The following CPQ variants were observed in gnomAD, a reference collection of about 807,000 sequenced individuals.
CPQ encodes carboxypeptidase Q, also known as Ser-Met dipeptidase.
In CPQ, 37 loss-of-function variants were observed where a neutral mutation model predicts 45.7. That is an observed-to-expected ratio of 0.81 (90% CI 0.62 to 1.07). CPQ has a LOEUF of 1.07. CPQ is among the 50% of genes least tolerant of loss of function. The pLI, the probability that CPQ is intolerant of heterozygous loss-of-function variation, is 0.00. For missense variants in CPQ, 537 were observed against 572.9 expected, an observed-to-expected ratio of 0.94 and a Z score of 0.64; for synonymous variants, 186 against 205.8, an observed-to-expected ratio of 0.90 and a Z score of 0.82.
intron 1 of CPQ, among the ~76,000 whole-genome samples, chr8:96,673,130 A>C (rs972217883): frequency 2.6e-5 from 4 of 152,178 alleles, no homozygotes; most frequent in Non-Finnish European, 5.9e-5. Context: ...ACTAGGAGTC[A>C]TCCAGGTTCT....
chr8:97,017,726 C>T (rs1809606668), intron 5 of CPQ, among the ~76,000 whole-genome samples: 1 of 152,126 alleles, frequency 6.6e-6, no homozygotes, highest in Non-Finnish European at 1.5e-5. Flanking sequence ...GAAACTTCAA[C>T]CCCATCCTCC....
intron 1 of CPQ, among the ~76,000 whole-genome samples, chr8:96,655,953 C>A (rs893119011): frequency 1.3e-5 from 2 of 152,190 alleles, no homozygotes; most frequent in Non-Finnish European, 2.9e-5. Flanking sequence ...CTCCTGGGCT[C>A]ATAAGATTCT....
intron 7 of CPQ, among the ~76,000 whole-genome samples, chr8:97,117,119 T>A (rs1811608280): frequency 6.6e-6 from 1 of 152,224 alleles, no homozygotes; most frequent in Non-Finnish European, 1.5e-5. Flanking sequence ...TTATTCAGAC[T>A]GATTTATATT....
At chr8:96,915,862 C>A (rs1309843957) in intron 4 of CPQ, among the ~76,000 whole-genome samples, 1 of 152,156 alleles carries the variant, frequency 6.6e-6, no homozygotes, top group Non-Finnish European at 1.5e-5. Context: ...CTCAAGAGAA[C>A]CTCCTCTCCC....
At chr8:97,027,450 T>C (rs1389632607) in intron 5 of CPQ, among the ~76,000 whole-genome samples, 1 of 152,232 alleles carries the variant, frequency 6.6e-6, no homozygotes, top group East Asian at 1.9e-4. Flanking sequence ...CAGGGTTGTC[T>C]TACATGTGTT....
intron 5 of CPQ, among the ~76,000 whole-genome samples, chr8:97,005,280 C>T (rs1809362116): frequency 6.6e-6 from 1 of 151,936 alleles, no homozygotes; most frequent in African/African-American, 2.4e-5. Context: ...CAGGATTTCA[C>T]CATATTGGCC....
chr8:96,826,092 G>C (rs1304878336), intron 2 of CPQ, among the ~76,000 whole-genome samples: 1 of 152,056 alleles, frequency 6.6e-6, no homozygotes, highest in African/African-American at 2.4e-5. Flanking sequence ...GCTAACCAAA[G>C]CTGCCAATAC....
At chr8:96,979,330 A>C (rs1349634500) in intron 5 of CPQ, among the ~76,000 whole-genome samples, 2 of 152,228 alleles carry the variant, frequency 1.3e-5, no homozygotes, top group African/African-American at 4.8e-5. Flanking sequence ...GATAAATAGA[A>C]TAGAGATACA....
intron 1 of CPQ, among the ~76,000 whole-genome samples, chr8:96,729,765 A>C (rs931822800): frequency 1.3e-5 from 2 of 152,158 alleles, no homozygotes; most frequent in African/African-American, 4.8e-5. Flanking sequence ...TGCAAATTCA[A>C]ATTGCTCAAT....
chr8:96,724,604 G>A (rs1182035196), intron 1 of CPQ, among the ~76,000 whole-genome samples: 1 of 151,824 alleles, frequency 6.6e-6, no homozygotes, highest in Non-Finnish European at 1.5e-5. Context: ...AGAAATCATA[G>A]ATAACATAAG....
chr8:97,017,823 G>A (rs1044316494), intron 5 of CPQ, among the ~76,000 whole-genome samples: 6 of 151,578 alleles, frequency 4.0e-5, no homozygotes, highest in Middle Eastern at 3.2e-3. Context: ...TGAAGACAAA[G>A]GGCATATACT....
intron 7 of CPQ, among the ~76,000 whole-genome samples, chr8:97,108,207 G>A (rs149660194): frequency 2.6e-5 from 4 of 152,264 alleles, no homozygotes; most frequent in Non-Finnish European, 5.9e-5. Context: ...ATTCCATGTT[G>A]TATAGCTCTT....
chr8:96,995,319 G>A (rs759385782), intron 5 of CPQ, among the ~76,000 whole-genome samples: 34 of 152,068 alleles, frequency 2.2e-4, no homozygotes, highest in Non-Finnish European at 4.6e-4. Flanking sequence ...TGAAGAAATT[G>A]TGGTGGTTGT....
chr8:96,730,397 A>G (rs1452450628), intron 1 of CPQ, among the ~76,000 whole-genome samples: 3 of 152,082 alleles, frequency 2.0e-5, no homozygotes, highest in African/African-American at 7.2e-5. Context: ...CTCTCTTGGG[A>G]GTAGAGAGAA....
At chr8:96,920,899 G>T (rs1181241624) in intron 4 of CPQ, among the ~76,000 whole-genome samples, 1 of 152,168 alleles carries the variant, frequency 6.6e-6, no homozygotes, top group Non-Finnish European at 1.5e-5. Flanking sequence ...CATTTCTGTT[G>T]TTTAAGCCAC....
chr8:97,051,878 CCTCT>C (rs1418623446), intron 6 of CPQ, among the ~76,000 whole-genome samples: 4 of 152,178 alleles, frequency 2.6e-5, no homozygotes, highest in Non-Finnish European at 4.4e-5. Context: ...AGTGTCCACC[CCTCT>C]CTGAGACTGA....
chr8:96,689,478 A>G (rs1022332880), intron 1 of CPQ, among the ~76,000 whole-genome samples: 2 of 152,202 alleles, frequency 1.3e-5, no homozygotes, highest in African/African-American at 4.8e-5. Flanking sequence ...ATTTTGCCAG[A>G]GATTTATCAT....
chr8:96,999,425 G>T (rs1318796672), intron 5 of CPQ, among the ~76,000 whole-genome samples: 1 of 151,684 alleles, frequency 6.6e-6, no homozygotes, highest in Non-Finnish European at 1.5e-5. Context: ...AGTGTATTTT[G>T]TTCCCCTCTA....
At chr8:96,856,530 A>G (rs981135093) in intron 3 of CPQ, among the ~76,000 whole-genome samples, 1 of 152,224 alleles carries the variant, frequency 6.6e-6, no homozygotes, top group Non-Finnish European at 1.5e-5. Context: ...CAGTGAGAGA[A>G]GGAATCTTGC....
Sources: allele counts gnomAD v4.1 joint callset (sites outside exome capture counted in the v4.1 genomes callset), GRCh38; gene constraint gnomAD v4.1.1; transcripts MANE v1.5; gene names NCBI Gene and HGNC (gene_info 2026-07-23, HGNC 2026-07-21).